Variants in BICD1 observed in about 807,000 individuals in gnomAD.
The protein encoded by BICD1 is BICD cargo adaptor 1.
A neutral mutation model predicts 92.5 loss-of-function variants in BICD1; 35 were observed. The observed-to-expected ratio is 0.38, with a 90% CI of 0.29 to 0.50. The LOEUF is 0.50. Among genes scored for constraint, BICD1 ranks in the 20% least tolerant of loss-of-function variants. The probability of loss-of-function intolerance (pLI) is 0.93; values close to 1 mark genes in which losing one functional copy is unlikely to be tolerated. For synonymous variants in BICD1, 429 were observed against 465.1 expected, an observed-to-expected ratio of 0.92 and a Z score of 1.00; for missense variants, 950 against 1,189.8, an observed-to-expected ratio of 0.80 and a Z score of 2.97.
chr12:32,306,068 A>C lies in BICD1; in HGVS notation c.951A>C (p.Leu317Phe). Residue 317 changes from leucine to phenylalanine, a missense_variant, in exon 4 of 10, where the codon TTA becomes TTC. By Grantham distance (22) the Leu-to-Phe change is conservative. Transcript: ENST00000652176. Reference protein sequence around the residue: ...KGESLNPVSDLFSELNISEIQ... With the variant: ...KGESLNPVSDFFSELNISEIQ... ...AGTCTCTGAACCCTGTCTCTGACTTATTCAGTGAGCTGAACATTTCAGAAA... is the reference window on the plus strand; with the variant it reads ...AGTCTCTGAACCCTGTCTCTGACTTCTTCAGTGAGCTGAACATTTCAGAAA... 2 of 1,613,490 alleles carry C rather than the reference A, an allele frequency of 1.2e-6. No homozygotes were observed. The highest frequency in any genetic ancestry group is 1.7e-6 in the Non-Finnish European group (2 of 1,179,832).
chr12:32,306,725 G>A lies in BICD1; in HGVS notation c.1005+603G>A, dbSNP rs574995978. On this transcript the variant is annotated intron_variant, in intron 4 of 9. Coordinates refer to ENST00000652176, the MANE Select transcript of BICD1 (RefSeq NM_001714.4). Reference sequence around the variant, plus strand: ...GAAGTCTGAGAAAAGACAGAAAAAAGTTCCTTGGGCCGGGCGCGGTGGCTT... The same window carrying A: ...GAAGTCTGAGAAAAGACAGAAAAAAATTCCTTGGGCCGGGCGCGGTGGCTT... Among the ~76,000 whole-genome samples the A allele has an allele frequency of 3.5e-4, 53 of 152,054 alleles. 1 individual carries two copies. The South Asian group carries it at 9.2e-3, about 26-fold the overall frequency.
At chr12:32,373,036 G>A (rs1366986975) in intron 9 of BICD1, among the ~76,000 whole-genome samples, 2 of 152,018 alleles carry the variant, frequency 1.3e-5, no homozygotes, top group African/African-American at 4.8e-5. Context: ...AATATATAGA[G>A]TTGTTTGGTA....
rs1318769935 is a variant in BICD1 at position 32,328,311 on chromosome 12, G to T, written c.1856G>T (p.Arg619Leu). ...SSPVLDTSDI[R>L]KEPMNIYNLN... ...CCAGTATTGGATACAAGTGACATCC[G>T]CAAAGAGCCAATGAATATCTACAAC... The change falls in exon 5 of 10, where the codon CGC (arginine) becomes CTC (leucine). Residue 619 changes from arginine to leucine, a missense_variant. Arg to Leu is a moderately radical substitution (Grantham distance 102). Transcript: ENST00000652176. This position sits in a 1 kb window ranked among gnomAD's most constrained non-coding sequence, Gnocchi z 4.4. 1 of 1,614,180 alleles carries T rather than the reference G, an allele frequency of 6.2e-7. No individual in the cohort carries two copies. The highest frequency in any genetic ancestry group is 8.5e-7 in the Non-Finnish European group (1 of 1,180,040).
At chr12:32,184,158 G>T (rs1944360597) in intron 1 of BICD1, among the ~76,000 whole-genome samples, 1 of 152,182 alleles carries the variant, frequency 6.6e-6, no homozygotes, top group Middle Eastern at 3.4e-3. Context: ...ATTTATCAAG[G>T]TATCAATTTA....
intron 3 of BICD1, among the ~76,000 whole-genome samples, chr12:32,295,189 G>A (rs1210141427): frequency 1.3e-5 from 2 of 151,890 alleles, no homozygotes; most frequent in African/African-American, 4.8e-5. Flanking sequence ...GCTGTAATGG[G>A]GGTTTGATAG....
At chr12:32,231,101 T>A (rs998517702) in intron 2 of BICD1, among the ~76,000 whole-genome samples, 1 of 152,214 alleles carries the variant, frequency 6.6e-6, no homozygotes, top group African/African-American at 2.4e-5. Context: ...TTCAAAAATA[T>A]CTTTAGCCTT....
intron 3 of BICD1, among the ~76,000 whole-genome samples, chr12:32,305,252 A>C (rs928642719): frequency 6.6e-6 from 1 of 152,162 alleles, no homozygotes; most frequent in Admixed American, 6.6e-5. Context: ...GAAATAAAAC[A>C]AAGTAATGGT....
intron 1 of BICD1, among the ~76,000 whole-genome samples, chr12:32,173,236 G>C (rs904076015): frequency 1.3e-5 from 2 of 152,110 alleles, no homozygotes; most frequent in African/African-American, 4.8e-5. Flanking sequence ...TTTTAGTAGA[G>C]ATGGGGTTTC....
At chr12:32,217,237 A>T (rs186992075) in intron 2 of BICD1, among the ~76,000 whole-genome samples, 2 of 152,346 alleles carry the variant, frequency 1.3e-5, no homozygotes, top group East Asian at 3.9e-4. Flanking sequence ...AGAGACGCAG[A>T]CGTCCTCTAA....
chr12:32,130,654 ATG>A (rs1383633873), intron 1 of BICD1, among the ~76,000 whole-genome samples: 1 of 152,126 alleles, frequency 6.6e-6, no homozygotes, highest in Non-Finnish European at 1.5e-5. Context: ...AGGTGATTGT[ATG>A]TCAGTTCCCA....
intron 8 of BICD1, chr12:32,340,092 T>A: frequency 1.0e-6 from 1 of 959,432 alleles, no homozygotes; most frequent in Non-Finnish European, 1.2e-6. Flanking sequence ...TGAAATAGAA[T>A]TTTTTTTTTC....
chr12:32,181,135 T>C (rs973925303), intron 1 of BICD1, among the ~76,000 whole-genome samples: 2 of 151,712 alleles, frequency 1.3e-5, no homozygotes, highest in African/African-American at 4.8e-5. Flanking sequence ...AAATTACACT[T>C]TTGGCCGGGC....
rs117157803 is a variant in BICD1 at position 32,200,823 on chromosome 12, G to A, written c.214-15424G>A. Among the ~76,000 whole-genome samples the A allele has an allele frequency of 5.3e-5, 8 of 152,252 alleles. No individual in the cohort carries two copies. The East Asian group carries it at 1.5e-3, about 29-fold the overall frequency. ...GAAAGATCACATTACTTTACATGAG[G>A]ACCACAAGGCACATTCAAAAGATAC... On this transcript the variant is annotated intron_variant, in intron 1 of 9. Transcript: ENST00000652176.
At chr12:32,191,436 A>G (rs1307935056) in intron 1 of BICD1, among the ~76,000 whole-genome samples, 1 of 151,784 alleles carries the variant, frequency 6.6e-6, no homozygotes, top group East Asian at 1.9e-4. Context: ...ATTTTTTACA[A>G]ATTGAAGGTT....
rs538637181 is a variant in BICD1 at position 32,365,558 on chromosome 12, A to G, written c.2765-2112A>G. 3.3e-5 allele frequency among the ~76,000 whole-genome samples: 5 copies of G among 152,320 alleles called. No homozygotes were observed. In the East Asian group the frequency reaches 9.6e-4, roughly 29 times the overall value. ...CACAGAGGCCACTACTCTGCTTTAG[A>G]AGAGTTTCATTATACCTCCCTGGCA... On this transcript the variant is annotated intron_variant, in intron 8 of 9. Transcript: ENST00000652176.
intron 5 of BICD1, among the ~76,000 whole-genome samples, chr12:32,330,539 G>A (rs559305295): frequency 3.3e-5 from 5 of 151,356 alleles, no homozygotes; most frequent in East Asian, 1.9e-4. Context: ...AAACCTGTAC[G>A]TTGTGCACAT....
chr12:32,369,246 C>A (rs1235249496), intron 9 of BICD1, among the ~76,000 whole-genome samples: 2 of 152,240 alleles, frequency 1.3e-5, no homozygotes, highest in African/African-American at 4.8e-5. Context: ...TCCATCAGGA[C>A]CTCACCTCCA....
intron 3 of BICD1, among the ~76,000 whole-genome samples, chr12:32,297,085 A>G (rs941645924): frequency 2.0e-5 from 3 of 152,178 alleles, no homozygotes; most frequent in Non-Finnish European, 4.4e-5. Flanking sequence ...AAATTGGGGG[A>G]ACTGAAATGC....
chr12:32,141,349 C>T (rs1288370786), intron 1 of BICD1, among the ~76,000 whole-genome samples: 1 of 152,058 alleles, frequency 6.6e-6, no homozygotes, highest in Non-Finnish European at 1.5e-5. Flanking sequence ...TGATGACTGC[C>T]TGTGACTAAT....
Sources: allele counts gnomAD v4.1 joint callset (sites outside exome capture counted in the v4.1 genomes callset), GRCh38; gene constraint gnomAD v4.1.1; non-coding constraint Gnocchi (gnomAD v3.1); transcripts MANE v1.5; gene names NCBI Gene and HGNC (gene_info 2026-07-23, HGNC 2026-07-21).